The following SPOCK1 variants were observed in gnomAD, a reference collection of about 807,000 sequenced individuals.
The protein encoded by SPOCK1 is SPARC (osteonectin), cwcv and kazal like domains proteoglycan 1.
A neutral mutation model predicts 55.3 loss-of-function variants in SPOCK1; 23 were observed. That is an observed-to-expected ratio of 0.42 (90% CI 0.30 to 0.59). The LOEUF (loss-of-function observed/expected upper bound fraction) is 0.59, where lower values mean the gene tolerates loss of function less well. Ranked by LOEUF, SPOCK1 falls within the 20% of genes least tolerant of loss-of-function variation. The pLI, the probability that SPOCK1 is intolerant of heterozygous loss-of-function variation, is 0.22. For missense variants in SPOCK1, 499 were observed against 552.5 expected (o/e 0.90, Z 0.97); for synonymous variants, 226 against 221.0 (o/e 1.02, Z -0.20).
intron 6 of SPOCK1, among the ~76,000 whole-genome samples, chr5:137,015,772 T>C (rs1419242799): frequency 6.6e-6 from 1 of 152,162 alleles, no homozygotes; most frequent in Non-Finnish European, 1.5e-5. Context: ...TTCTGAGACA[T>C]GTCTGTGGCC....
At chr5:137,161,838 C>A (rs1754563693) in intron 3 of SPOCK1, among the ~76,000 whole-genome samples, 1 of 152,074 alleles carries the variant, frequency 6.6e-6, no homozygotes, top group Non-Finnish European at 1.5e-5. Context: ...ATCAAGTATT[C>A]AATGCTACAG....
At chr5:137,325,669 C>A (rs1364737757) in intron 2 of SPOCK1, among the ~76,000 whole-genome samples, 1 of 152,206 alleles carries the variant, frequency 6.6e-6, no homozygotes, top group Non-Finnish European at 1.5e-5. Flanking sequence ...AAGGCCCCTG[C>A]CCTCTCAGAC....
chr5:137,370,343 T>C (rs553741721), intron 2 of SPOCK1, among the ~76,000 whole-genome samples: 26 of 152,340 alleles, frequency 1.7e-4, no homozygotes, highest in African/African-American at 6.3e-4. Context: ...ATTTTCCACC[T>C]CTTAATCACG....
intron 5 of SPOCK1, among the ~76,000 whole-genome samples, chr5:137,074,461 T>C (rs1166990484): frequency 6.6e-6 from 1 of 152,214 alleles, no homozygotes; most frequent in African/African-American, 2.4e-5. Flanking sequence ...CGTATGTATA[T>C]ACAGAAAGCA....
At chr5:137,166,971 A>G (rs1042682251) in intron 3 of SPOCK1, among the ~76,000 whole-genome samples, 3 of 152,094 alleles carry the variant, frequency 2.0e-5, no homozygotes, top group Non-Finnish European at 4.4e-5. Flanking sequence ...TTATTTATCA[A>G]TAATAACATT....
intron 2 of SPOCK1, among the ~76,000 whole-genome samples, chr5:137,356,964 A>G (rs1441593569): frequency 6.7e-6 from 1 of 149,744 alleles, no homozygotes; most frequent in East Asian, 2.0e-4. Context: ...TAATATAGCT[A>G]TAGGGCACCT....
rs1753444533 is a variant in SPOCK1, at chr5:137,110,373, T to A, written c.474+2062A>T. On this transcript the variant is annotated intron_variant, in intron 5 of 10. Transcript: ENST00000394945. ...CTGGGAAACTGCTAGAAGTACAGAA[T>A]GTCAGACCTGTCATCTCAGAATCTG... 2.0e-5 allele frequency among the ~76,000 whole-genome samples: 3 copies of A among 152,212 alleles called. No homozygotes were observed. In the South Asian group the frequency reaches 6.2e-4, roughly 32 times the overall value.
At chr5:137,306,650 T>C (rs973375201) in intron 2 of SPOCK1, among the ~76,000 whole-genome samples, 3 of 151,332 alleles carry the variant, frequency 2.0e-5, no homozygotes, top group African/African-American at 4.8e-5. Context: ...ACATAACATA[T>C]GGGGAAATTT....
chr5:137,335,053 G>C (rs1449901983), intron 2 of SPOCK1, among the ~76,000 whole-genome samples: 2 of 152,190 alleles, frequency 1.3e-5, no homozygotes, highest in African/African-American at 4.8e-5. Context: ...AGTTGCCTGG[G>C]GTTAGGGTAC....
chr5:137,284,023 G>A (rs889753530), intron 2 of SPOCK1, among the ~76,000 whole-genome samples: 9 of 152,210 alleles, frequency 5.9e-5, no homozygotes, highest in Admixed American at 2.0e-4. Context: ...GCCAAGCACC[G>A]CACTCTGTGC....
chr5:137,025,298 AC>A (rs1425629027), intron 6 of SPOCK1, among the ~76,000 whole-genome samples: 1 of 152,098 alleles, frequency 6.6e-6, no homozygotes, highest in Non-Finnish European at 1.5e-5. Flanking sequence ...CTGCCAGAGC[AC>A]AATGAAATTT....
intron 3 of SPOCK1, among the ~76,000 whole-genome samples, chr5:137,224,053 T>C (rs948939615): frequency 6.6e-6 from 1 of 152,214 alleles, no homozygotes; most frequent in African/African-American, 2.4e-5. Flanking sequence ...TCTAACATTA[T>C]AACAGATGCT....
intron 2 of SPOCK1, among the ~76,000 whole-genome samples, chr5:137,288,587 C>T (rs919913668): frequency 2.0e-5 from 3 of 152,340 alleles, no homozygotes; most frequent in Admixed American, 6.5e-5. Flanking sequence ...AGAATCAAAT[C>T]GCTAGCCTCT....
chr5:137,321,823 A>T (rs1173334452), intron 2 of SPOCK1, among the ~76,000 whole-genome samples: 2 of 152,124 alleles, frequency 1.3e-5, no homozygotes, highest in African/African-American at 4.8e-5. Flanking sequence ...GGTTGCAGTG[A>T]GCCAACATCA....
chr5:137,391,997 C>A (rs1209157700), intron 2 of SPOCK1, among the ~76,000 whole-genome samples: 3 of 152,192 alleles, frequency 2.0e-5, no homozygotes, highest in Non-Finnish European at 4.4e-5. Context: ...TCACACTGAC[C>A]TCCACACTGC....
intron 3 of SPOCK1, among the ~76,000 whole-genome samples, chr5:137,245,787 CAA>C (rs33935068): frequency 1.8e-5 from 2 of 111,598 alleles, no homozygotes; most frequent in Admixed American, 9.1e-5. Flanking sequence ...AAAAAAAAAA[CAA>C]AAAAAAAAAC....
intron 2 of SPOCK1, among the ~76,000 whole-genome samples, chr5:137,346,815 C>A (rs568821540): frequency 1.1e-4 from 16 of 152,232 alleles, no homozygotes; most frequent in Admixed American, 9.1e-4. Context: ...ATACGTGAGC[C>A]CTGTCTTCAA....
chr5:137,462,615 G>A (rs569580764), intron 2 of SPOCK1, among the ~76,000 whole-genome samples: 1 of 152,286 alleles, frequency 6.6e-6, no homozygotes, highest in African/African-American at 2.4e-5. Context: ...GGATTATAGT[G>A]GTATTGATGA....
intron 2 of SPOCK1, among the ~76,000 whole-genome samples, chr5:137,286,872 A>G (rs1477552710): frequency 6.6e-6 from 1 of 152,226 alleles, no homozygotes; most frequent in African/African-American, 2.4e-5. Flanking sequence ...GTAACAGTGG[A>G]AAACAGGTAC....
Sources: gnomAD v4.1 joint callset for allele counts (sites outside exome capture counted in the v4.1 genomes callset) on GRCh38, gnomAD v4.1.1 for gene constraint, MANE v1.5 for transcripts, NCBI Gene and HGNC (gene_info 2026-07-23, HGNC 2026-07-21) for gene names.